SLC10A7: variants seen among roughly 807,000 people sequenced by gnomAD.
The protein encoded by SLC10A7 is sodium/bile acid cotransporter 7.
SLC10A7 carries 29 observed loss-of-function variants against 43.2 expected under a neutral mutation model. The observed-to-expected ratio is 0.67, with a 90% CI of 0.50 to 0.92. The LOEUF is 0.92. Ranked by LOEUF, SLC10A7 falls within the 40% of genes least tolerant of loss-of-function variation. SLC10A7 has a pLI of 0.00. For synonymous variants in SLC10A7, 152 were observed against 144.8 expected (o/e 1.05, Z -0.35); for missense variants, 295 against 403.2 (o/e 0.73, Z 2.30).
At chr4:146,408,129 A>G (rs958927756) in intron 5 of SLC10A7, among the ~76,000 whole-genome samples, 1 of 152,178 alleles carries the variant, frequency 6.6e-6, no homozygotes, top group African/African-American at 2.4e-5. Flanking sequence ...ATATAAAAGG[A>G]CAGAAATAAC....
chr4:146,355,660 C>A (rs1426059306), intron 5 of SLC10A7, among the ~76,000 whole-genome samples: 20 of 151,842 alleles, frequency 1.3e-4, no homozygotes, highest in Non-Finnish European at 2.9e-5. Context: ...CAATGATAGA[C>A]TGGATTAAGA....
chr4:146,352,799 C>G (rs1447499361), intron 5 of SLC10A7, among the ~76,000 whole-genome samples: 4 of 139,304 alleles, frequency 2.9e-5, no homozygotes, highest in African/African-American at 8.3e-5. Flanking sequence ...GGGTACATAA[C>G]GAAATGAAGG....
At chr4:146,477,623 T>C (rs1734138721) in intron 4 of SLC10A7, among the ~76,000 whole-genome samples, 1 of 152,194 alleles carries the variant, frequency 6.6e-6, no homozygotes, top group Non-Finnish European at 1.5e-5. Flanking sequence ...TTAATTAGCA[T>C]TTCATTAGTA....
chr4:146,474,481 T>C (rs1733865673), intron 4 of SLC10A7, among the ~76,000 whole-genome samples: 1 of 152,158 alleles, frequency 6.6e-6, no homozygotes, highest in Non-Finnish European at 1.5e-5. Flanking sequence ...TTTACCACTT[T>C]TTAAATTCCT....
At position 146,493,633 on chromosome 4, in the gene SLC10A7, A is replaced by G. The variant is rs1735648879; in HGVS notation, c.396+10216T>C. On this transcript the variant is annotated intron_variant, in intron 4 of 11. Transcript: ENST00000335472. Reference sequence around the variant, plus strand: ...GAGAAACATCCTATAAATCTATTCAATCTTCAATCCCCTTTACCTCGTTCT... The same window carrying G: ...GAGAAACATCCTATAAATCTATTCAGTCTTCAATCCCCTTTACCTCGTTCT... Among the ~76,000 whole-genome samples the G allele has an allele frequency of 2.6e-5, 4 of 152,320 alleles. No homozygotes were observed. In the South Asian group the frequency reaches 8.3e-4, roughly 32 times the overall value.
At chr4:146,442,070 G>A (rs1730645091) in intron 5 of SLC10A7, 1 of 978,468 alleles carries the variant, frequency 1.0e-6, no homozygotes, top group South Asian at 4.7e-5. Context: ...ATTTAACAAA[G>A]TTTTAAGGCA....
intron 6 of SLC10A7, among the ~76,000 whole-genome samples, chr4:146,310,443 A>G (rs556599872): frequency 6.6e-6 from 1 of 152,288 alleles, no homozygotes; most frequent in South Asian, 2.1e-4. Context: ...CTAATTGTGC[A>G]TAAATAAGTG....
intron 6 of SLC10A7, among the ~76,000 whole-genome samples, chr4:146,310,035 A>G (rs13147611): frequency 0.72 from 109,641 of 151,952 alleles, 39,995 homozygotes; most frequent in African/African-American, 0.81. Context: ...TGAGTACCCA[A>G]TATCCAAGCT....
intron 5 of SLC10A7, among the ~76,000 whole-genome samples, chr4:146,425,854 C>T (rs1476811039): frequency 6.6e-6 from 1 of 152,212 alleles, no homozygotes; most frequent in African/African-American, 2.4e-5. Flanking sequence ...GAGCCAGACA[C>T]ATCCATTTCC....
At chr4:146,289,375 C>G (rs1730250310) in intron 9 of SLC10A7, among the ~76,000 whole-genome samples, 1 of 152,140 alleles carries the variant, frequency 6.6e-6, no homozygotes, top group Non-Finnish European at 1.5e-5. Context: ...TTGTTTTCTT[C>G]CTTTTCCTTC....
intron 5 of SLC10A7, among the ~76,000 whole-genome samples, chr4:146,329,609 TG>T (rs1275912268): frequency 6.6e-6 from 1 of 152,186 alleles, no homozygotes; most frequent in Non-Finnish European, 1.5e-5. Flanking sequence ...ATCTTTGCAT[TG>T]TTAAGTTATT....
intron 10 of SLC10A7, among the ~76,000 whole-genome samples, chr4:146,272,129 A>G (rs1728935058): frequency 6.6e-6 from 1 of 152,200 alleles, no homozygotes; most frequent in African/African-American, 2.4e-5. Context: ...CATAGTAAGT[A>G]CCAAATAAAC....
At chr4:146,512,922 T>C (rs80262486) in intron 2 of SLC10A7, among the ~76,000 whole-genome samples, 129 of 152,162 alleles carry the variant, frequency 8.5e-4, no homozygotes, top group African/African-American at 3.1e-3. Flanking sequence ...CTATTTGATG[T>C]ACAAAAAAAA....
intron 6 of SLC10A7, among the ~76,000 whole-genome samples, chr4:146,314,042 C>A (rs1732159306): frequency 6.6e-6 from 1 of 152,080 alleles, no homozygotes; most frequent in Non-Finnish European, 1.5e-5. Flanking sequence ...GGAAGCATAA[C>A]CTGGAAGGGG....
intron 5 of SLC10A7, among the ~76,000 whole-genome samples, chr4:146,375,365 C>T (rs751100398): frequency 3.9e-5 from 6 of 152,106 alleles, no homozygotes; most frequent in East Asian, 3.9e-4. Flanking sequence ...GATGCTCTTA[C>T]CTTTGCATTC....
At chr4:146,428,999 C>T (rs554671829) in intron 5 of SLC10A7, among the ~76,000 whole-genome samples, 1 of 152,044 alleles carries the variant, frequency 6.6e-6, no homozygotes, top group African/African-American at 2.4e-5. Flanking sequence ...ATAATCTGCC[C>T]TAATCTACTT....
chr4:146,424,641 C>T (rs1729198084), intron 5 of SLC10A7, among the ~76,000 whole-genome samples: 1 of 150,372 alleles, frequency 6.7e-6, no homozygotes, highest in African/African-American at 2.5e-5. Flanking sequence ...GCCTGGGTGA[C>T]AGAGCGAGAC....
chr4:146,365,453 A>T (rs1274769568), intron 5 of SLC10A7, among the ~76,000 whole-genome samples: 2 of 152,236 alleles, frequency 1.3e-5, no homozygotes, highest in African/African-American at 4.8e-5. Flanking sequence ...TGCACTGTAC[A>T]TTAAAGTTTA....
chr4:146,498,875 C>G (rs916891367), intron 4 of SLC10A7, among the ~76,000 whole-genome samples: 1 of 152,040 alleles, frequency 6.6e-6, no homozygotes, highest in African/African-American at 2.4e-5. Context: ...AAAGTACAAC[C>G]CATGACAAAA....
Sources: allele counts gnomAD v4.1 joint callset (sites outside exome capture counted in the v4.1 genomes callset), GRCh38; gene constraint gnomAD v4.1.1; transcripts MANE v1.5; gene names NCBI Gene and HGNC (gene_info 2026-07-23, HGNC 2026-07-21).